SEL1L3: variants seen among roughly 807,000 people sequenced by gnomAD.
SEL1L3 encodes the protein protein sel-1 homolog 3.
SEL1L3 carries 76 observed loss-of-function variants against 142.8 expected under a neutral mutation model. The observed-to-expected ratio is 0.53, with a 90% CI of 0.44 to 0.64. The LOEUF (loss-of-function observed/expected upper bound fraction) is 0.64. Among genes scored for constraint, SEL1L3 ranks in the 30% least tolerant of loss-of-function variants. The pLI is 0.00. For missense variants in SEL1L3, 1,262 were observed against 1,381.7 expected (o/e 0.91, Z 1.37); for synonymous variants, 504 against 519.6 (o/e 0.97, Z 0.41).
Position 25,836,630 on chromosome 4 carries a change from C to T in SEL1L3, c.734-1307G>A, listed in dbSNP as rs552449791. ...TGGCACCACTGCACTCCAAACTGGG[C>T]GACAGAGCAAGACTCCATCTCAAAA... On this transcript the variant is annotated intron_variant, in intron 2 of 23. Coordinates refer to ENST00000399878, the MANE Select transcript of SEL1L3 (RefSeq NM_015187.5). Among the ~76,000 whole-genome samples, 15 of 152,134 alleles carry T rather than the reference C, an allele frequency of 9.9e-5. 1 individual carries two copies. The highest frequency in any genetic ancestry group is 7.2e-4 in the Admixed American group (11 of 15,294).
At chr4:25,732,122 G>C in the SEL1L3 span, among the ~76,000 whole-genome samples, 2 of 151,960 alleles carry the variant, frequency 1.3e-5, no homozygotes, top group African/African-American at 4.8e-5. Flanking sequence ...AGAAAGAGAG[G>C]CTGCTGTAAA....
At chr4:25,818,584 G>T (rs140202780) in intron 8 of SEL1L3, among the ~76,000 whole-genome samples, 3 of 152,228 alleles carry the variant, frequency 2.0e-5, no homozygotes, top group African/African-American at 7.2e-5. Flanking sequence ...GTGAGTTGAG[G>T]AGCAAAGCAC....
chr4:25,829,575 A>G (rs1222303275), intron 6 of SEL1L3, among the ~76,000 whole-genome samples: 1 of 152,204 alleles, frequency 6.6e-6, no homozygotes, highest in Non-Finnish European at 1.5e-5. Context: ...AAATTATGAA[A>G]CACAGGCAGG....
intron 1 of SEL1L3, among the ~76,000 whole-genome samples, chr4:25,857,069 C>G (rs1717309269): frequency 6.6e-6 from 1 of 152,194 alleles, no homozygotes; most frequent in African/African-American, 2.4e-5. Flanking sequence ...AGGGCTTTCT[C>G]TTCAAACTGG....
At chr4:25,741,831 AT>A in the SEL1L3 span, among the ~76,000 whole-genome samples, 1 of 150,252 alleles carries the variant, frequency 6.7e-6, no homozygotes. Flanking sequence ...TATTATATAT[AT>A]TTTTTTTGAG....
chr4:25,817,778 T>G (rs547424404), intron 9 of SEL1L3, among the ~76,000 whole-genome samples: 2 of 152,292 alleles, frequency 1.3e-5, no homozygotes, highest in Admixed American at 6.5e-5. Flanking sequence ...AAATTTGCAT[T>G]TTCATACAAG....
chr4:25,856,593 T>TAAAAAAAAA (rs397765802), intron 1 of SEL1L3, among the ~76,000 whole-genome samples: 1 of 117,120 alleles, frequency 8.5e-6, no homozygotes, highest in Admixed American at 9.5e-5. Context: ...GTATTGTAAT[T>TAAAAAAAAA]AAAAAAAAAA....
chr4:25,728,274 G>A, the SEL1L3 span, among the ~76,000 whole-genome samples: 2 of 152,232 alleles, frequency 1.3e-5, no homozygotes, highest in Admixed American at 6.5e-5. Flanking sequence ...ACTGACATTC[G>A]TTCTGGTGGC....
At chr4:25,731,792 G>C in the SEL1L3 span, among the ~76,000 whole-genome samples, 1 of 152,144 alleles carries the variant, frequency 6.6e-6, no homozygotes, top group African/African-American at 2.4e-5. Flanking sequence ...GCTGCTATGG[G>C]CTGGGTGCAG....
intron 1 of SEL1L3, among the ~76,000 whole-genome samples, chr4:25,858,563 T>G (rs1038735799): frequency 1.3e-4 from 19 of 150,798 alleles, no homozygotes; most frequent in African/African-American, 1.7e-4. Context: ...TTTGTTTTTG[T>G]TTTTTTTGAT....
At chr4:25,746,397 T>C (rs1717260298), downstream of SEL1L3, among the ~76,000 whole-genome samples, 2 of 150,534 alleles carry the variant, frequency 1.3e-5, no homozygotes, top group African/African-American at 4.9e-5. Context: ...CACATGCTTG[T>C]AGTCCCTGCT....
intron 16 of SEL1L3, among the ~76,000 whole-genome samples, chr4:25,777,370 G>A (rs1431198639): frequency 6.6e-6 from 1 of 152,078 alleles, no homozygotes; most frequent in African/African-American, 2.4e-5. Flanking sequence ...AAGAGAGGTA[G>A]GTAAGTCCAC....
chr4:25,822,364 TCTC>T (rs1714820238), intron 6 of SEL1L3, among the ~76,000 whole-genome samples: 1 of 152,168 alleles, frequency 6.6e-6, no homozygotes, highest in African/African-American at 2.4e-5. Flanking sequence ...AGTGCTGTCT[TCTC>T]CTGTGTCAAA....
chr4:25,733,605 CT>C, the SEL1L3 span, among the ~76,000 whole-genome samples: 33 of 148,770 alleles, frequency 2.2e-4, no homozygotes, highest in African/African-American at 8.1e-4. Context: ...ACTGCAACCT[CT>C]GCCTCCCAGA....
chr4:25,836,310 A>C (rs556319652), intron 2 of SEL1L3, among the ~76,000 whole-genome samples: 181 of 152,320 alleles, frequency 1.2e-3, no homozygotes, highest in African/African-American at 3.2e-3. Flanking sequence ...TATTCTCCCC[A>C]ACTAAAGAAA....
chr4:25,758,671 TTTC>T, intron 21 of SEL1L3, among the ~76,000 whole-genome samples: 1 of 150,386 alleles, frequency 6.6e-6, no homozygotes, highest in East Asian at 2.0e-4. Flanking sequence ...CTTTCTTTTC[TTTC>T]TTTTTTTTTT....
chr4:25,744,231 C>T (rs1717193762), downstream of SEL1L3, among the ~76,000 whole-genome samples: 1 of 151,928 alleles, frequency 6.6e-6, no homozygotes, highest in East Asian at 1.9e-4. Context: ...TGTCCTGCCA[C>T]CAAATTCTCA....
chr4:25,834,010 G>A (rs1715608195), intron 3 of SEL1L3, among the ~76,000 whole-genome samples: 1 of 152,148 alleles, frequency 6.6e-6, no homozygotes, highest in Admixed American at 6.5e-5. Context: ...TCCTTTCACA[G>A]ATAAAAGCCA....
intron 2 of SEL1L3, among the ~76,000 whole-genome samples, chr4:25,838,662 T>C (rs1202543802): frequency 6.6e-6 from 1 of 152,196 alleles, no homozygotes; most frequent in Non-Finnish European, 1.5e-5. Flanking sequence ...CCACCCACCC[T>C]GGCCCCTCCT....
Sources: allele counts gnomAD v4.1 joint callset (sites outside exome capture counted in the v4.1 genomes callset), GRCh38; gene constraint gnomAD v4.1.1; transcripts MANE v1.5; gene names NCBI Gene and HGNC (gene_info 2026-07-23, HGNC 2026-07-21).